AADAC: variants seen among roughly 807,000 people sequenced by gnomAD.
AADAC encodes arylacetamide deacetylase.
AADAC carries 17 observed loss-of-function variants against 22.7 expected under a neutral mutation model. The observed-to-expected ratio is 0.75, with a 90% CI of 0.51 to 1.12. AADAC has a LOEUF of 1.12. Among genes scored for constraint, AADAC ranks in the 50% most tolerant of loss-of-function variants. AADAC has a pLI of 0.00. For missense variants in AADAC, 465 were observed against 473.9 expected (o/e 0.98, Z 0.17); for synonymous variants, 167 against 176.3 (o/e 0.95, Z 0.42).
intron 2 of AADAC, among the ~76,000 whole-genome samples, chr3:151,819,073 T>C (rs974436755): frequency 2.0e-5 from 3 of 151,520 alleles, no homozygotes; most frequent in Admixed American, 1.3e-4. Context: ...AATTTGTCCA[T>C]TGATGTGGGA....
Position 151,828,107 on chromosome 3 carries a change from C to T in AADAC, c.1135C>T (p.Leu379=). ...TGGATTCCATGGAGCATTTTCATTTCTGGGACTTAAAATTAGTCACAGACT... is the reference window on the plus strand; with the variant it reads ...TGGATTCCATGGAGCATTTTCATTTTTGGGACTTAAAATTAGTCACAGACT... ...EDGFHGAFSF[L]GLKISHRLIN... is the part of the protein sequence containing the mutation. Residue 379 remains leucine, a synonymous_variant, in exon 5 of 5, where the codon CTG becomes TTG. Coordinates refer to ENST00000232892, the MANE Select transcript of AADAC (RefSeq NM_001086.3). The T allele has an allele frequency of 2.5e-6, 4 of 1,609,354 alleles. No homozygotes were observed. Among genetic ancestry groups the T allele is most frequent in the East Asian group, 2.2e-5 (1 of 44,816 alleles).
At chr3:151,815,988 T>A (rs1715974482) in intron 1 of AADAC, among the ~76,000 whole-genome samples, 2 of 152,208 alleles carry the variant, frequency 1.3e-5, no homozygotes, top group South Asian at 4.1e-4. Flanking sequence ...TTACTAGTTG[T>A]GTAGGCATGG....
rs745323662 is a variant in AADAC, at chr3:151,828,348, C to CATTGTCT, written c.*179_*185dup. Reference sequence around the variant, plus strand: ...TGTGGGATTTCATTTCAATTTTCTACATTGTCTATCTGCTTTTTCTGAGAT... The same window carrying CATTGTCT: ...TGTGGGATTTCATTTCAATTTTCTACATTGTCTATTGTCTATCTGCTTTTTCTGAGAT... On this transcript the variant is annotated 3_prime_UTR_variant, in exon 5 of 5. Transcript: ENST00000232892. The CATTGTCT allele has an allele frequency of 5.2e-4, 206 of 397,278 alleles. No individual in the cohort carries two copies. The highest frequency in any genetic ancestry group is 7.5e-4 in the Non-Finnish European group (169 of 224,166). 24.6% of individuals were successfully genotyped at this position (397,278 alleles called of 1,614,324 possible). A position where few individuals can be genotyped will look rare whatever the true frequency, so the allele number is the denominator to read the frequency against.
Position 151,817,565 on chromosome 3 carries a change from G to C in AADAC, c.338G>C (p.Gly113Ala), listed in dbSNP as rs530379220. The C allele has an allele frequency of 6.2e-7, 1 of 1,613,652 alleles. No homozygotes were observed. The highest frequency in any genetic ancestry group is 1.3e-5 in the African/African-American group (1 of 75,046). Residue 113 changes from glycine (G) to alanine (A), a missense_variant, in exon 2 of 5, where the codon GGA (glycine) becomes GCA (alanine). By Grantham distance (60) the Gly-to-Ala change is moderately conservative. Coordinates refer to ENST00000232892, the MANE Select transcript of AADAC (RefSeq NM_001086.3). ...LRRGLFYIHG[G>A]GWCVGSAALS... ...AGGGGGTTGTTTTACATCCATGGTG[G>C]AGGCTGGTGCGTGGGAAGTGCTGGT...
Position 151,820,472 on chromosome 3 carries a change from GT to G in AADAC, c.431+23del. 6.8e-7 allele frequency: 1 copy of G among 1,467,920 alleles called. No individual in the cohort carries two copies. The highest frequency in any genetic ancestry group is 9.2e-7 in the Non-Finnish European group (1 of 1,091,674). 90.9% of individuals were successfully genotyped at this position (1,467,920 alleles called of 1,614,324 possible). A position where few individuals can be genotyped will look rare whatever the true frequency, so the allele number is the denominator to read the frequency against. ...AACCAAGTAAGAGCTGTGCTGTTTG[GT>G]TTCCTGGCCAGATGTCTGACATGCC... is the stretch of plus-strand genomic sequence containing the variant. On this transcript the variant is annotated intron_variant, in intron 3 of 4. Coordinates refer to ENST00000232892, the MANE Select transcript of AADAC (RefSeq NM_001086.3).
intron 4 of AADAC, among the ~76,000 whole-genome samples, chr3:151,827,342 T>C (rs1317420519): frequency 6.6e-6 from 1 of 152,034 alleles, no homozygotes; most frequent in Non-Finnish European, 1.5e-5. Context: ...AAAGCATATA[T>C]GACAGATGAT....
chr3:151,828,423 ATACTT>A lies in AADAC; in HGVS notation c.*254_*258del, dbSNP rs1716600117. On this transcript the variant is annotated 3_prime_UTR_variant, in exon 5 of 5. Transcript: ENST00000232892. The stretch of plus-strand genomic sequence containing the variant: ...ATTTTAAAAAATATTACATTCTTGT[ATACTT>A]TATTTTTGTGAGTTGGCTACTATTT... 1 of 226,184 alleles carries A rather than the reference ATACTT, an allele frequency of 4.4e-6. No individual in the cohort carries two copies. The highest frequency in any genetic ancestry group is 8.6e-6 in the Non-Finnish European group (1 of 116,906). The allele number at this position is 226,184 out of a possible 1,614,324, so 14.0% of individuals were successfully genotyped here. A position where few individuals can be genotyped will look rare whatever the true frequency, so the allele number is the denominator to read the frequency against.
chr3:151,814,176 C>T lies in AADAC; in HGVS notation c.14C>T (p.Ser5Leu), dbSNP rs267599657. The T allele has an allele frequency of 3.7e-6, 6 of 1,613,224 alleles. No individual in the cohort carries two copies. Among genetic ancestry groups the T allele is most frequent in the African/African-American group, 1.3e-5 (1 of 74,876 alleles). Residue 5 changes from serine to leucine, a missense_variant, in exon 1 of 5, where the codon TCG becomes TTG. Ser to Leu is a moderately radical substitution (Grantham distance 145). Coordinates refer to ENST00000232892, the MANE Select transcript of AADAC (RefSeq NM_001086.3). Reference protein sequence around the residue: MGRKSLYLLIVGILI... With the variant: MGRKLLYLLIVGILI... The stretch of plus-strand genomic sequence containing the variant: ...GGGACGTTCACCATGGGAAGAAAAT[C>T]GCTGTACCTTCTGATTGTGGGGATC...
At chr3:151,827,074 C>G (rs769928621) in intron 4 of AADAC, among the ~76,000 whole-genome samples, 1 of 151,802 alleles carries the variant, frequency 6.6e-6, no homozygotes, top group Non-Finnish European at 1.5e-5. Context: ...GTTACCATAC[C>G]TGGCTAATTT....
At chr3:151,826,084 A>C (rs1192859416) in intron 4 of AADAC, among the ~76,000 whole-genome samples, 1 of 151,922 alleles carries the variant, frequency 6.6e-6, no homozygotes, top group East Asian at 1.9e-4. Context: ...TTGTTTTGTT[A>C]ATTATATTTA....
At chr3:151,826,892 G>A (rs1716518279) in intron 4 of AADAC, among the ~76,000 whole-genome samples, 1 of 151,828 alleles carries the variant, frequency 6.6e-6, no homozygotes, top group East Asian at 1.9e-4. Flanking sequence ...TCATGGCAAA[G>A]CTTATTGATA....
In AADAC at chr3:151,828,430, A is replaced by G. The variant is rs187936303; in HGVS notation, c.*258A>G. ...AAAATATTACATTCTTGTATACTTT[A>G]TTTTTGTGAGTTGGCTACTATTTAC... On this transcript the variant is annotated 3_prime_UTR_variant, in exon 5 of 5. Transcript: ENST00000232892. The G allele has an allele frequency of 9.5e-6, 2 of 211,046 alleles. No homozygotes were observed. The highest frequency in any genetic ancestry group is 2.0e-4 in the East Asian group (2 of 9,880). The allele number at this position is 211,046 out of a possible 1,614,324, so 13.1% of individuals were successfully genotyped here. A position where few individuals can be genotyped will look rare whatever the true frequency, so the allele number is the denominator to read the frequency against.
intron 2 of AADAC, among the ~76,000 whole-genome samples, chr3:151,819,499 A>C (rs576713832): frequency 5.1e-4 from 77 of 152,158 alleles, no homozygotes; most frequent in African/African-American, 1.3e-3. Context: ...CCTTAAAAGG[A>C]CTTAGTTGTG....
intron 1 of AADAC, among the ~76,000 whole-genome samples, chr3:151,814,975 G>A (rs62272887): frequency 0.018 from 2,743 of 152,086 alleles, 66 homozygotes; most frequent in Non-Finnish European, 0.027. Context: ...ACTTAAACCA[G>A]ATAAATGTTG....
chr3:151,816,530 T>C (rs1185368824), intron 1 of AADAC, among the ~76,000 whole-genome samples: 1 of 152,038 alleles, frequency 6.6e-6, no homozygotes, highest in Non-Finnish European at 1.5e-5. Flanking sequence ...AGAGCATTTG[T>C]CTGGTTCATC....
intron 4 of AADAC, among the ~76,000 whole-genome samples, chr3:151,825,930 T>G (rs188463362): frequency 5.3e-5 from 8 of 152,068 alleles, no homozygotes; most frequent in Admixed American, 1.3e-4. Context: ...AATTATAGGC[T>G]GCATCTGGTA....
intron 1 of AADAC, among the ~76,000 whole-genome samples, chr3:151,816,401 C>T (rs911773245): frequency 5.9e-5 from 9 of 152,090 alleles, no homozygotes; most frequent in Non-Finnish European, 1.3e-4. Context: ...TCCCAAGTAG[C>T]TTTTTGTAAT....
Position 151,828,134 on chromosome 3 carries a change from A to G in AADAC, c.1162A>G (p.Ile388Val). The G allele has an allele frequency of 3.8e-6, 6 of 1,599,986 alleles. No individual in the cohort carries two copies. The highest frequency in any genetic ancestry group is 5.1e-6 in the Non-Finnish European group (6 of 1,169,938). ...FLGLKISHRLINQYIEWLKEN... is the reference protein window; with the variant it reads ...FLGLKISHRLVNQYIEWLKEN... ...GGGACTTAAAATTAGTCACAGACTT[A>G]TAAATCAGTATATTGAGTGGCTAAA... Residue 388 changes from isoleucine to valine, a missense_variant, in exon 5 of 5, where the codon ATA becomes GTA. Ile to Val is a conservative substitution (Grantham distance 29). Coordinates refer to ENST00000232892, the MANE Select transcript of AADAC (RefSeq NM_001086.3).
intron 1 of AADAC, among the ~76,000 whole-genome samples, chr3:151,814,896 C>T (rs1032156724): frequency 6.6e-6 from 1 of 151,946 alleles, no homozygotes; most frequent in Non-Finnish European, 1.5e-5. Context: ...TCTCTGGATC[C>T]TTGATGATAT....
Sources: allele counts gnomAD v4.1 joint callset (sites outside exome capture counted in the v4.1 genomes callset), GRCh38; gene constraint gnomAD v4.1.1; transcripts MANE v1.5; gene names NCBI Gene and HGNC (gene_info 2026-07-23, HGNC 2026-07-21).